NTNG1: variants seen among roughly 807,000 people sequenced by gnomAD.
NTNG1 encodes netrin-G1.
Under a neutral mutation model 54.0 loss-of-function variants are expected in NTNG1, and 16 were observed. The observed-to-expected ratio is 0.30, with a 90% CI of 0.20 to 0.45. NTNG1 has a LOEUF of 0.45. Among genes scored for constraint, NTNG1 ranks in the 20% least tolerant of loss-of-function variants. NTNG1 has a pLI of 1.00. For synonymous variants in NTNG1, 255 were observed against 263.1 expected (o/e 0.97, Z 0.30); for missense variants, 530 against 678.7 (o/e 0.78, Z 2.43).
intron 7 of NTNG1, among the ~76,000 whole-genome samples, chr1:107,468,281 T>C (rs1422112933): frequency 6.6e-6 from 1 of 152,196 alleles, no homozygotes; most frequent in East Asian, 1.9e-4. Flanking sequence ...CGTTTGGCTA[T>C]AGCTTGACAA....
intron 2 of NTNG1, among the ~76,000 whole-genome samples, chr1:107,311,308 A>G (rs190412093): frequency 6.6e-6 from 1 of 152,282 alleles, no homozygotes; most frequent in African/African-American, 2.4e-5. Flanking sequence ...TTGGATAAAT[A>G]AGGCAAGATA....
intron 2 of NTNG1, among the ~76,000 whole-genome samples, chr1:107,277,704 C>T (rs17508372): frequency 0.041 from 6,165 of 152,210 alleles, 157 homozygotes; most frequent in Middle Eastern, 0.068. Flanking sequence ...AGTTTAAATT[C>T]GAATGGCTTC....
Position 107,302,220 on chromosome 1 carries a change from C to A in NTNG1, c.247-22062C>A, listed in dbSNP as rs141588703. The stretch of plus-strand genomic sequence containing the variant: ...CCTTTCACAAAACTTGCTAGCATAG[C>A]TTCACTACAGTTTCTAGGATGAATC... On this transcript the variant is annotated intron_variant, in intron 2 of 7. Coordinates refer to ENST00000370068, the MANE Select transcript of NTNG1 (RefSeq NM_001113226.3). 1.3e-3 allele frequency among the ~76,000 whole-genome samples: 197 copies of A among 152,278 alleles called. 1 individual carries two copies. The highest frequency in any genetic ancestry group is 4.3e-3 in the African/African-American group (178 of 41,564).
At chr1:107,141,747 T>C (rs562017258) in intron 1 of NTNG1, among the ~76,000 whole-genome samples, 3 of 152,062 alleles carry the variant, frequency 2.0e-5, no homozygotes, top group Admixed American at 6.5e-5. Flanking sequence ...AGCCCAGGCG[T>C]GGGGTCTGAG....
At chr1:107,250,113 C>T (rs1662493177) in intron 2 of NTNG1, among the ~76,000 whole-genome samples, 2 of 152,148 alleles carry the variant, frequency 1.3e-5, no homozygotes, top group Admixed American at 6.6e-5. Flanking sequence ...CAAATTTATA[C>T]CTTTAGACAT....
intron 2 of NTNG1, among the ~76,000 whole-genome samples, chr1:107,299,930 C>T (rs973194741): frequency 6.6e-6 from 1 of 152,086 alleles, no homozygotes; most frequent in Non-Finnish European, 1.5e-5. Flanking sequence ...AAAACAGATA[C>T]AGTACATTTT....
chr1:107,355,663 A>G (rs1477937404), intron 3 of NTNG1, among the ~76,000 whole-genome samples: 1 of 152,154 alleles, frequency 6.6e-6, no homozygotes, highest in African/African-American at 2.4e-5. Flanking sequence ...GGAAGTGTGG[A>G]TGTCTCTATG....
intron 2 of NTNG1, among the ~76,000 whole-genome samples, chr1:107,311,948 T>A (rs148475844): frequency 6.6e-6 from 1 of 152,310 alleles, no homozygotes; most frequent in African/African-American, 2.4e-5. Context: ...GAGGCTATTC[T>A]TGAAGAATCT....
At chr1:107,156,009 A>G (rs1654967067) in intron 2 of NTNG1, among the ~76,000 whole-genome samples, 1 of 152,298 alleles carries the variant, frequency 6.6e-6, no homozygotes, top group African/African-American at 2.4e-5. Flanking sequence ...CAGCCTAGGT[A>G]TGTGTAGCAG....
intron 2 of NTNG1, among the ~76,000 whole-genome samples, chr1:107,218,943 C>T (rs770129507): frequency 2.6e-5 from 4 of 152,044 alleles, no homozygotes; most frequent in Non-Finnish European, 5.9e-5. Context: ...ACTTGGATGT[C>T]TGGGTCTCTA....
chr1:107,334,975 T>C (rs1172890153), intron 3 of NTNG1, among the ~76,000 whole-genome samples: 2 of 152,004 alleles, frequency 1.3e-5, no homozygotes, highest in Non-Finnish European at 2.9e-5. Context: ...CTATGTCACT[T>C]CATCCAATCA....
At chr1:107,404,105 AATTTTAT>A (rs1386018035) in intron 4 of NTNG1, among the ~76,000 whole-genome samples, 4 of 149,558 alleles carry the variant, frequency 2.7e-5, no homozygotes, top group Non-Finnish European at 5.9e-5. Flanking sequence ...ATATATGTAT[AATTTTAT>A]ATTTTAATGT....
At chr1:107,472,446 T>C (rs536601081) in intron 7 of NTNG1, among the ~76,000 whole-genome samples, 1 of 152,346 alleles carries the variant, frequency 6.6e-6, no homozygotes, top group South Asian at 2.1e-4. Flanking sequence ...GCAACTAGAA[T>C]ACAAGCCCCT....
At chr1:107,468,706 C>T (rs942065758) in intron 7 of NTNG1, among the ~76,000 whole-genome samples, 1 of 152,214 alleles carries the variant, frequency 6.6e-6, no homozygotes, top group African/African-American at 2.4e-5. Context: ...AAAAAAGTCA[C>T]TGAGATCCTT....
At chr1:107,322,296 CT>C (rs1667703885) in intron 2 of NTNG1, among the ~76,000 whole-genome samples, 1 of 152,090 alleles carries the variant, frequency 6.6e-6, no homozygotes, top group South Asian at 2.1e-4. Flanking sequence ...CCCACAGCGC[CT>C]TTCCCCTTGT....
chr1:107,477,343 G>A (rs796211113), intron 7 of NTNG1, among the ~76,000 whole-genome samples: 1 of 152,200 alleles, frequency 6.6e-6, no homozygotes, highest in Non-Finnish European at 1.5e-5. Context: ...GTGAAGGGCC[G>A]TTGCTGGGCA....
chr1:107,253,436 C>G (rs553153211), intron 2 of NTNG1, among the ~76,000 whole-genome samples: 2 of 152,292 alleles, frequency 1.3e-5, no homozygotes, highest in Admixed American at 6.5e-5. Flanking sequence ...TCCTTTTATT[C>G]TAAATTCTCA....
intron 2 of NTNG1, among the ~76,000 whole-genome samples, chr1:107,241,975 G>A (rs1379941999): frequency 3.3e-5 from 5 of 152,126 alleles, no homozygotes. Context: ...ATATATTAGA[G>A]TATGTTTGAT....
At chr1:107,441,818 A>G (rs520114) in intron 7 of NTNG1, among the ~76,000 whole-genome samples, 146,497 of 151,974 alleles carry the variant, frequency 0.96, 70,823 homozygotes, top group East Asian at 1. Context: ...AATGCAACTC[A>G]TGCTGGGGAA....
Sources: gnomAD v4.1 joint callset for allele counts (sites outside exome capture counted in the v4.1 genomes callset) on GRCh38, gnomAD v4.1.1 for gene constraint, MANE v1.5 for transcripts, NCBI Gene and HGNC (gene_info 2026-07-23, HGNC 2026-07-21) for gene names.